Variants in ANO7 observed in about 807,000 individuals in gnomAD.
ANO7 encodes anoctamin 7.
ANO7 carries 114 observed loss-of-function variants against 115.8 expected under a neutral mutation model. The observed-to-expected ratio is 0.98, with a 90% CI of 0.85 to 1.15. The LOEUF (loss-of-function observed/expected upper bound fraction) is 1.15. Among genes scored for constraint, ANO7 ranks in the 50% most tolerant of loss-of-function variants. The pLI, the probability that ANO7 is intolerant of heterozygous loss-of-function variation, is 0.00. For missense variants in ANO7, 1,302 were observed against 1,201.2 expected (o/e 1.08, Z -1.24); for synonymous variants, 550 against 498.2 (o/e 1.10, Z -1.38).
At chr2:241,191,080 G>T in intron 2 of ANO7, 114 bp from the exon 3 acceptor site, 2 of 1,170,046 alleles carry the variant, frequency 1.7e-6, no homozygotes, top group Non-Finnish European at 2.5e-6. Context: ...GTGTTCTGGG[G>T]CAGGGCGGGG....
the ANO7 span, chr2:241,236,060 C>T: frequency 6.3e-5 from 12 of 191,562 alleles, no homozygotes; most frequent in Non-Finnish European, 1.2e-4. Context: ...CCCTGTCTCC[C>T]CCACCGCCCT....
chr2:241,226,456 G>A (rs1321936233), downstream of ANO7, among the ~76,000 whole-genome samples: 7 of 150,748 alleles, frequency 4.6e-5, no homozygotes, highest in Non-Finnish European at 1.0e-4. Flanking sequence ...ATGGAGTCTC[G>A]CTCTGTCACC....
At chr2:241,191,331 C>T in intron 3 of ANO7, 80 bp downstream of exon 3, 1 of 1,561,050 alleles carries the variant, frequency 6.4e-7, no homozygotes, top group Non-Finnish European at 8.8e-7. Context: ...CCAGGGGCAG[C>T]AGGCTGGGGT....
downstream of ANO7, chr2:241,228,552 G>C (rs2069349651): frequency 6.6e-6 from 1 of 152,406 alleles, no homozygotes; most frequent in East Asian, 1.9e-4. Flanking sequence ...TGCTGAGGGA[G>C]AGCGCCAGCC....
chr2:241,196,055 C>A, intron 4 of ANO7: 1 of 1,429,270 alleles, frequency 7.0e-7, no homozygotes, highest in Non-Finnish European at 9.1e-7. Flanking sequence ...ATCCCTCCTG[C>A]ACACTCAGCT....
intron 19 of ANO7, among the ~76,000 whole-genome samples, chr2:241,217,167 C>A (rs374239385): frequency 2.0e-5 from 3 of 152,196 alleles, no homozygotes; most frequent in Admixed American, 1.3e-4. Flanking sequence ...GGCATGTGAG[C>A]CGGCAGGCCC....
the ANO7 span, chr2:241,235,407 G>A: frequency 3.4e-6 from 5 of 1,459,468 alleles, no homozygotes; most frequent in African/African-American, 4.2e-5. Flanking sequence ...AGAGTCAACA[G>A]GAAGTTGAGA....
At position 241,223,813 on chromosome 2, in the gene ANO7, C is replaced by T. The variant is rs766637523; in HGVS notation, c.2532+32C>T. ...TGTACAGCCCAGTCTCGGCCCTCCC[C>T]CCAGCCCTCTCCCTATCCTTGTCAG... On this transcript the variant is annotated intron_variant, in intron 23 of 24. Transcript: ENST00000674324. 4.5e-5 allele frequency: 72 copies of T among 1,614,080 alleles called. No individual in the cohort carries two copies. The Admixed American group carries it at 5.8e-4, about 13-fold the overall frequency.
At chr2:241,235,107 C>CACCTCCTGCTCACCCGG in the ANO7 span, 10 of 1,610,984 alleles carry the variant, frequency 6.2e-6, no homozygotes, top group Non-Finnish European at 8.5e-6. Context: ...GTGCCCCGGC[C>CACCTCCTGCTCACCCGG]ACCTCCTGCT....
At chr2:241,235,886 C>T in the ANO7 span, among the ~76,000 whole-genome samples, 1 of 152,192 alleles carries the variant, frequency 6.6e-6, no homozygotes, top group Non-Finnish European at 1.5e-5. Flanking sequence ...ACTCCTGGCA[C>T]ATCCTCGGGG....
the ANO7 span, chr2:241,235,233 G>A: frequency 1.2e-6 from 2 of 1,614,114 alleles, no homozygotes; most frequent in African/African-American, 2.7e-5. Flanking sequence ...CTGCAGCTCA[G>A]GTGCCGGGAC....
intron 7 of ANO7, among the ~76,000 whole-genome samples, chr2:241,201,830 C>A (rs13028587): frequency 0.32 from 30,051 of 92,722 alleles, 3,491 homozygotes; most frequent in Middle Eastern, 0.38. Flanking sequence ...AGGGCACACC[C>A]TGGACACAGC....
At position 241,217,673 on chromosome 2, in the gene ANO7, C is replaced by T. The variant is rs957647600; in HGVS notation, c.1973-13C>T. 1.3e-6 allele frequency: 2 copies of T among 1,569,488 alleles called. No homozygotes were observed. The highest frequency in any genetic ancestry group is 1.7e-6 in the Non-Finnish European group (2 of 1,158,442). On this transcript the variant is annotated splice_polypyrimidine_tract_variant and intron_variant, in intron 19 of 24. Transcript: ENST00000674324. ...CGGTGGCGGAGAGCCCGGCCGTGACCCCCTCCCCGCAGTGCTGCAGTTCGG... is the reference window on the plus strand; with the variant it reads ...CGGTGGCGGAGAGCCCGGCCGTGACTCCCTCCCCGCAGTGCTGCAGTTCGG...
intron 17 of ANO7, among the ~76,000 whole-genome samples, chr2:241,213,202 C>T (rs2068755271): frequency 7.7e-6 from 1 of 130,640 alleles, no homozygotes; most frequent in African/African-American, 4.3e-5. Context: ...CTCCTCATGG[C>T]ACACGGCCCG....
intron 6 of ANO7, 103 bp from the exon 7 acceptor site, chr2:241,201,195 C>G: frequency 7.2e-7 from 1 of 1,396,716 alleles, no homozygotes; most frequent in Non-Finnish European, 9.6e-7. Context: ...GGGCCCCAAA[C>G]CTTCTGCACC....
chr2:241,216,385 G>A (rs939333286), intron 19 of ANO7, 147 bp downstream of exon 19: 31 of 1,136,400 alleles, frequency 2.7e-5, no homozygotes, highest in African/African-American at 2.0e-4. Flanking sequence ...ACAGAGGGTC[G>A]GGCCTGTGGA....
chr2:241,238,058 CAG>C, the ANO7 span, among the ~76,000 whole-genome samples: 1 of 152,230 alleles, frequency 6.6e-6, no homozygotes, highest in African/African-American at 2.4e-5. This position sits in a 1 kb window ranked among gnomAD's most constrained non-coding sequence, Gnocchi z 4.9. Context: ...TCTGATAACA[CAG>C]AGTGGAGGGC....
intron 21 of ANO7, among the ~76,000 whole-genome samples, chr2:241,220,614 A>G (rs1242058479): frequency 6.6e-6 from 1 of 152,212 alleles, no homozygotes; most frequent in Non-Finnish European, 1.5e-5. Flanking sequence ...ATCCTGGTTA[A>G]CACCGTGAAA....
chr2:241,195,704 A>C lies in ANO7; in HGVS notation c.168A>C (p.Ala56=). The change falls in exon 4 of 25, where the codon GCA becomes GCC. Residue 56 remains alanine (A), a splice_region_variant and synonymous_variant. Coordinates refer to ENST00000674324, the MANE Select transcript of ANO7 (RefSeq NM_001370694.2). ...GCCTCTGTCCCTGTTGGCTCCCAGCAGACTTCGTCCTCGTTTGGGAGGAGG... is the reference window on the plus strand; with the variant it reads ...GCCTCTGTCCCTGTTGGCTCCCAGCCGACTTCGTCCTCGTTTGGGAGGAGG... ...RAGSPAKPRI[A]DFVLVWEEDL... 7 of 1,614,046 alleles carry C rather than the reference A, an allele frequency of 4.3e-6. No individual in the cohort carries two copies. The highest frequency in any genetic ancestry group is 5.9e-6 in the Non-Finnish European group (7 of 1,179,996).
Sources: gnomAD v4.1 joint callset for allele counts (sites outside exome capture counted in the v4.1 genomes callset) on GRCh38, gnomAD v4.1.1 for gene constraint, Gnocchi (gnomAD v3.1) non-coding constraint, MANE v1.5 for transcripts, NCBI Gene and HGNC (gene_info 2026-07-23, HGNC 2026-07-21) for gene names.